The following HACL2 variants were observed in gnomAD, a reference collection of about 807,000 sequenced individuals.
The protein encoded by HACL2 is 2-hydroxyacyl-CoA lyase 2.
At chr19:15,116,678 C>CCCAGAACCTG in the HACL2 span, 2 of 617,408 alleles carry the variant, frequency 3.2e-6, no homozygotes, top group Non-Finnish European at 5.7e-6. Context: ...GGTGAAACAC[C>CCCAGAACCTG]CCAGAACCTG....
At chr19:15,122,364 A>G in the HACL2 span, among the ~76,000 whole-genome samples, 4 of 151,840 alleles carry the variant, frequency 2.6e-5, no homozygotes, top group African/African-American at 9.7e-5. The surrounding 1 kb of genome is among the most constrained non-coding windows in gnomAD (Gnocchi z 4.0). Flanking sequence ...GTGGTGGGGG[A>G]AAGGGAGGAG....
chr19:15,122,064 ATTTTTTTTT>A, the HACL2 span, among the ~76,000 whole-genome samples: 1 of 147,360 alleles, frequency 6.8e-6, no homozygotes, highest in African/African-American at 2.5e-5. This position sits in a 1 kb window ranked among gnomAD's most constrained non-coding sequence, Gnocchi z 4.0. Flanking sequence ...CGCCCGGCTA[ATTTTTTTTT>A]TTTTTGTATT....
At chr19:15,119,342 C>T in the HACL2 span, 12 of 1,604,890 alleles carry the variant, frequency 7.5e-6, no homozygotes, top group Non-Finnish European at 1.0e-5. Flanking sequence ...GTGGCCGGGG[C>T]CTCCCGCCTC....
chr19:15,122,804 C>T, the HACL2 span: 2 of 1,614,014 alleles, frequency 1.2e-6, no homozygotes, highest in Non-Finnish European at 1.7e-6. The surrounding 1 kb of genome is among the most constrained non-coding windows in gnomAD (Gnocchi z 4.0). Context: ...AAACACCGGA[C>T]CTGCAGGGAC....
chr19:15,123,096 G>A, the HACL2 span: 2 of 1,612,856 alleles, frequency 1.2e-6, no homozygotes, highest in South Asian at 1.1e-5. This position sits in a 1 kb window ranked among gnomAD's most constrained non-coding sequence, Gnocchi z 5.1. Flanking sequence ...GGCCCCCACT[G>A]GCCCCCAAGG....
the HACL2 span, chr19:15,115,911 A>C: frequency 6.2e-7 from 1 of 1,614,132 alleles, no homozygotes; most frequent in Non-Finnish European, 8.5e-7. Context: ...GTCCCCAAAC[A>C]GGCACCAGAC....
chr19:15,119,448 AG>A, the HACL2 span: 2 of 1,614,166 alleles, frequency 1.2e-6, no homozygotes, highest in East Asian at 4.5e-5. Context: ...TGGGGTGAGC[AG>A]GGCCTGACTC....
At chr19:15,119,644 A>C in the HACL2 span, 1 of 784,512 alleles carries the variant, frequency 1.3e-6, no homozygotes, top group Non-Finnish European at 2.0e-6. Flanking sequence ...TCCACCTCCC[A>C]GGTTCAAACG....
the HACL2 span, chr19:15,115,530 C>T: frequency 6.9e-6 from 11 of 1,601,898 alleles, no homozygotes; most frequent in South Asian, 1.1e-4. Flanking sequence ...ACTGAAACAG[C>T]CTCCTGTCCT....
chr19:15,123,801 A>C, the HACL2 span: 1 of 578,670 alleles, frequency 1.7e-6, no homozygotes, highest in South Asian at 2.2e-5. The surrounding 1 kb of genome is among the most constrained non-coding windows in gnomAD (Gnocchi z 5.1). Flanking sequence ...AGCTGAGGAC[A>C]TCAAGGCTTG....
the HACL2 span, chr19:15,115,736 G>C: frequency 1.9e-6 from 3 of 1,578,474 alleles, no homozygotes. Context: ...CCAGAGGACA[G>C]AGACAGGGAT....
chr19:15,122,638 G>A, the HACL2 span: 1 of 1,447,680 alleles, frequency 6.9e-7, no homozygotes, highest in African/African-American at 1.4e-5. This position sits in a 1 kb window ranked among gnomAD's most constrained non-coding sequence, Gnocchi z 4.0. Flanking sequence ...TGGGCTGGAA[G>A]CTGCAGGAGA....
At chr19:15,124,990 T>C in the HACL2 span, 1 of 1,602,402 alleles carries the variant, frequency 6.2e-7, no homozygotes, top group Middle Eastern at 1.8e-4. Flanking sequence ...GCCACCAGCG[T>C]CCCGCAGGCC....
the HACL2 span, chr19:15,124,661 A>G: frequency 3.8e-6 from 2 of 520,100 alleles, no homozygotes; most frequent in Admixed American, 3.6e-5. Flanking sequence ...TTCTGTGAAA[A>G]GAGTCACTGG....
At chr19:15,118,111 C>T in the HACL2 span, 1 of 1,505,212 alleles carries the variant, frequency 6.6e-7, no homozygotes, top group Non-Finnish European at 9.1e-7. Flanking sequence ...AGTCCCTGTT[C>T]CTCACCGAGT....
chr19:15,120,626 A>G, the HACL2 span, among the ~76,000 whole-genome samples: 3 of 152,150 alleles, frequency 2.0e-5, no homozygotes, highest in Non-Finnish European at 2.9e-5. Flanking sequence ...AGGGCCCTGG[A>G]GACACAAAGA....
chr19:15,119,302 C>G, the HACL2 span: 1 of 1,603,286 alleles, frequency 6.2e-7, no homozygotes, highest in Admixed American at 1.7e-5. Flanking sequence ...CCACGGCAGC[C>G]CTGGGAGTCC....
chr19:15,119,602 G>T, the HACL2 span: 1 of 1,157,824 alleles, frequency 8.6e-7, no homozygotes, highest in Non-Finnish European at 1.2e-6. Flanking sequence ...CCAGGATAGA[G>T]TGTAATGGCA....
the HACL2 span, chr19:15,116,385 C>T: frequency 6.2e-7 from 1 of 1,613,944 alleles, no homozygotes; most frequent in South Asian, 1.1e-5. Context: ...CCCCTTCCCA[C>T]ATCCACTCCA....
Sources: allele counts gnomAD v4.1 joint callset (sites outside exome capture counted in the v4.1 genomes callset), GRCh38; gene constraint gnomAD v4.1.1; non-coding constraint Gnocchi (gnomAD v3.1); transcripts MANE v1.5; gene names NCBI Gene and HGNC (gene_info 2026-07-23, HGNC 2026-07-21).